The following ASCC3 variants were observed in gnomAD, a reference collection of about 807,000 sequenced individuals.
ASCC3 encodes the protein activating signal cointegrator 1 complex subunit 3, also known as ASC-1 complex subunit P200.
A neutral mutation model predicts 256.3 loss-of-function variants in ASCC3; 158 were observed. The observed-to-expected ratio is 0.62, with a 90% CI of 0.54 to 0.70. The LOEUF is 0.70. Among genes scored for constraint, ASCC3 ranks in the 30% least tolerant of loss-of-function variants. The probability of loss-of-function intolerance (pLI) is 0.00; values close to 1 mark genes in which losing one functional copy is unlikely to be tolerated. For missense variants in ASCC3, 2,259 were observed against 2,626.0 expected (o/e 0.86, Z 3.05); for synonymous variants, 948 against 883.4 (o/e 1.07, Z -1.30).
At chr6:100,772,117 G>A (rs957917347) in intron 8 of ASCC3, among the ~76,000 whole-genome samples, 1 of 151,920 alleles carries the variant, frequency 6.6e-6, no homozygotes, top group Non-Finnish European at 1.5e-5. Context: ...TACTGACCTC[G>A]TGATCCACCC....
In ASCC3 at chr6:100,662,025, T is replaced by C; in HGVS notation, c.2484A>G (p.Thr828=). The C allele has an allele frequency of 6.2e-7, 1 of 1,613,054 alleles. No individual in the cohort carries two copies. The highest frequency in any genetic ancestry group is 8.5e-7 in the Non-Finnish European group (1 of 1,179,344). Residue 828 remains threonine (T), a synonymous_variant, in exon 16 of 42, where the codon ACA becomes ACG. Coordinates refer to ENST00000369162, the MANE Select transcript of ASCC3 (RefSeq NM_006828.4). ...LPAHAVIIKG[T]QIYAAKRGSF... is the part of the protein sequence containing the mutation. ...AGCCTCTTTTTGCAGCATATATTTG[T>C]GTTCCCTAGATGAGGAAAAGTTAAC...
intron 8 of ASCC3, 49 bp from the exon 9 acceptor site, chr6:100,767,394 C>T: frequency 6.5e-7 from 1 of 1,532,498 alleles, no homozygotes; most frequent in Non-Finnish European, 9.0e-7. Flanking sequence ...ATGTGAAGGA[C>T]CCATACAAAT....
intron 10 of ASCC3, among the ~76,000 whole-genome samples, chr6:100,734,619 A>G (rs1780061513): frequency 6.6e-6 from 1 of 152,194 alleles, no homozygotes; most frequent in Admixed American, 6.5e-5. Flanking sequence ...CAAAGCACAT[A>G]CTAAGCTTAT....
rs534176982 is a variant in ASCC3, at chr6:100,519,371, A to C, written c.5776-1229T>G. Among the ~76,000 whole-genome samples the C allele has an allele frequency of 1.8e-4, 27 of 152,230 alleles. No individual in the cohort carries two copies. The South Asian group carries it at 5.2e-3, about 29-fold the overall frequency. On this transcript the variant is annotated intron_variant, in intron 37 of 41. Coordinates refer to ENST00000369162, the MANE Select transcript of ASCC3 (RefSeq NM_006828.4). ...GAATGTTGGTATAATAGGTATATTTATATATGTGTGTGTGTATGAATGTGT... is the reference window on the plus strand; with the variant it reads ...GAATGTTGGTATAATAGGTATATTTCTATATGTGTGTGTGTATGAATGTGT...
chr6:100,794,852 T>C (rs2114318851), intron 8 of ASCC3, among the ~76,000 whole-genome samples: 1 of 152,152 alleles, frequency 6.6e-6, no homozygotes, highest in African/African-American at 2.4e-5. Flanking sequence ...GTCCTAACTG[T>C]GGAAATAGAC....
intron 1 of ASCC3, among the ~76,000 whole-genome samples, chr6:100,874,480 A>AAC (rs1773900734): frequency 6.6e-6 from 1 of 151,170 alleles, no homozygotes; most frequent in Non-Finnish European, 1.5e-5. Context: ...AAAAAAAAAA[A>AAC]AAAAAACAAC....
chr6:100,738,310 T>G (rs1248785470), intron 10 of ASCC3, among the ~76,000 whole-genome samples: 1 of 152,242 alleles, frequency 6.6e-6, no homozygotes, highest in East Asian at 1.9e-4. Flanking sequence ...ATGTCCTCAG[T>G]GGTACTGTCT....
At chr6:100,549,423 A>ACAATGTTTATTTT (rs1769180009) in intron 36 of ASCC3, among the ~76,000 whole-genome samples, 1 of 151,982 alleles carries the variant, frequency 6.6e-6, no homozygotes, top group Non-Finnish European at 1.5e-5. Context: ...TTAGCAGTTA[A>ACAATGTTTATTTT]CAATGTTTAT....
At chr6:100,870,393 C>T (rs942056444) in intron 1 of ASCC3, among the ~76,000 whole-genome samples, 3 of 151,484 alleles carry the variant, frequency 2.0e-5, no homozygotes, top group Admixed American at 1.3e-4. Flanking sequence ...GTTTGGCAAG[C>T]GCAGTCTCTG....
At chr6:100,616,416 T>A (rs573317696) in intron 30 of ASCC3, among the ~76,000 whole-genome samples, 28 of 152,340 alleles carry the variant, frequency 1.8e-4, no homozygotes, top group African/African-American at 6.7e-4. Context: ...TAAATTCACT[T>A]TGAAGCACCA....
At position 100,606,819 on chromosome 6, in the gene ASCC3, A is replaced by G. The variant is rs139820890; in HGVS notation, c.4965T>C (p.Phe1655=). 10 of 1,612,286 alleles carry G rather than the reference A, an allele frequency of 6.2e-6. No individual in the cohort carries two copies. The highest frequency in any genetic ancestry group is 4.0e-5 in the African/African-American group (3 of 74,892). ...ATSTLAWGVN[F]PAHLVIIKGT... ...CCTTAATAATTACTAAATGAGCTGGAAAGTTTACACCCCAGGCTAATGTGC... is the reference window on the plus strand; with the variant it reads ...CCTTAATAATTACTAAATGAGCTGGGAAGTTTACACCCCAGGCTAATGTGC... Residue 1655 remains phenylalanine, a synonymous_variant, in exon 32 of 42, where the codon TTT becomes TTC. Coordinates refer to ENST00000369162, the MANE Select transcript of ASCC3 (RefSeq NM_006828.4).
intron 8 of ASCC3, among the ~76,000 whole-genome samples, chr6:100,785,010 G>A (rs1782623508): frequency 7.1e-6 from 1 of 141,004 alleles, no homozygotes; most frequent in Admixed American, 7.5e-5. Flanking sequence ...ACCCCCTCTT[G>A]AAAGTGCACT....
intron 4 of ASCC3, among the ~76,000 whole-genome samples, chr6:100,807,054 C>T (rs181339476): frequency 2.0e-5 from 3 of 151,924 alleles, no homozygotes; most frequent in East Asian, 1.9e-4. Flanking sequence ...TATCTGAATC[C>T]AAGCCTAAAG....
chr6:100,867,752 G>A (rs1773547512), intron 2 of ASCC3, among the ~76,000 whole-genome samples, 156 bp downstream of exon 2: 1 of 152,144 alleles, frequency 6.6e-6, no homozygotes, highest in Non-Finnish European at 1.5e-5. Context: ...TATTACCATA[G>A]TAAACAGCAG....
intron 10 of ASCC3, among the ~76,000 whole-genome samples, chr6:100,729,018 T>C (rs1171279866): frequency 6.6e-6 from 1 of 152,216 alleles, no homozygotes; most frequent in Non-Finnish European, 1.5e-5. Context: ...CTGTATATAC[T>C]GAAACTTTTG....
intron 1 of ASCC3, among the ~76,000 whole-genome samples, chr6:100,875,904 A>G (rs1029991702): frequency 2.6e-5 from 4 of 152,204 alleles, no homozygotes; most frequent in African/African-American, 9.6e-5. Flanking sequence ...GGTACATGCT[A>G]TTCTTTCAAG....
chr6:100,723,885 TATATATATA>T (rs1779478292), intron 11 of ASCC3, among the ~76,000 whole-genome samples: 4 of 136,320 alleles, frequency 2.9e-5, no homozygotes, highest in African/African-American at 5.7e-5. Context: ...TATATATATA[TATATATATA>T]TATTTATAAT....
chr6:100,801,684 A>T (rs1219347314), intron 5 of ASCC3, among the ~76,000 whole-genome samples: 1 of 151,974 alleles, frequency 6.6e-6, no homozygotes, highest in African/African-American at 2.4e-5. Flanking sequence ...TACAGTTCTG[A>T]AAAAAGCATT....
intron 4 of ASCC3, among the ~76,000 whole-genome samples, chr6:100,843,772 A>G (rs2114492567): frequency 6.6e-6 from 1 of 152,232 alleles, no homozygotes; most frequent in South Asian, 2.1e-4. Flanking sequence ...AAATAACTAA[A>G]TAAGTCCCTG....
Sources: allele counts gnomAD v4.1 joint callset (sites outside exome capture counted in the v4.1 genomes callset), GRCh38; gene constraint gnomAD v4.1.1; transcripts MANE v1.5; gene names NCBI Gene and HGNC (gene_info 2026-07-23, HGNC 2026-07-21).